The following AGL variants were observed in gnomAD, a reference collection of about 807,000 sequenced individuals.
AGL encodes the protein glycogen debranching enzyme.
AGL carries 128 observed loss-of-function variants against 199.3 expected under a neutral mutation model. The observed-to-expected ratio is 0.64, with a 90% CI of 0.56 to 0.74. The LOEUF is 0.74. AGL is among the 30% of genes least tolerant of loss of function. The pLI is 0.00. For missense variants in AGL, 1,809 were observed against 1,820.8 expected (o/e 0.99, Z 0.12); for synonymous variants, 584 against 594.7 (o/e 0.98, Z 0.26).
At chr1:99,864,857 C>T (rs1215233338) in intron 5 of AGL, among the ~76,000 whole-genome samples, 1 of 152,148 alleles carries the variant, frequency 6.6e-6, no homozygotes, top group Non-Finnish European at 1.5e-5. Context: ...ATAGAAGGAA[C>T]ATAATGATCA....
intron 22 of AGL, 39 bp downstream of exon 22, chr1:99,891,395 CATA>C: frequency 6.2e-7 from 1 of 1,607,122 alleles, no homozygotes; most frequent in Non-Finnish European, 8.5e-7. Context: ...AAATCAAGGA[CATA>C]ATAATAAATA....
chr1:99,887,359 G>A (rs532709966), intron 20 of AGL, among the ~76,000 whole-genome samples: 1 of 152,228 alleles, frequency 6.6e-6, no homozygotes, highest in South Asian at 2.1e-4. Context: ...GTTATCAGGA[G>A]GCATCTTAAT....
intron 27 of AGL, among the ~76,000 whole-genome samples, chr1:99,903,670 C>A (rs1330204376): frequency 6.6e-6 from 1 of 152,142 alleles, no homozygotes; most frequent in East Asian, 1.9e-4. Flanking sequence ...ATTGCTGGGT[C>A]AAATGGTATT....
chr1:99,910,226 T>C (rs776867551), intron 27 of AGL, among the ~76,000 whole-genome samples: 6 of 152,196 alleles, frequency 3.9e-5, no homozygotes, highest in Non-Finnish European at 5.9e-5. Flanking sequence ...TAATTTCTCA[T>C]CTGTCACTCT....
chr1:99,898,289 G>A (rs901644439), intron 25 of AGL, among the ~76,000 whole-genome samples: 5 of 151,992 alleles, frequency 3.3e-5, no homozygotes, highest in South Asian at 2.1e-4. Context: ...CTTATGATCC[G>A]CCTGCCTCAT....
chr1:99,874,567 G>A lies in AGL; in HGVS notation c.959-120G>A. 9.0e-6 allele frequency: 9 copies of A among 1,000,906 alleles called. No individual in the cohort carries two copies. In the South Asian group the frequency reaches 1.3e-4, roughly 14 times the overall value. The allele number at this position is 1,000,906 out of a possible 1,614,324, so 62.0% of individuals were successfully genotyped here. On this transcript the variant is annotated intron_variant, in intron 7 of 33. Coordinates refer to ENST00000361915, the MANE Select transcript of AGL (RefSeq NM_000642.3). Reference sequence around the variant, plus strand: ...GGGGAGGAGGTAGGAGGATACCTGTGAAATAAATATTTGTTTTATTTTCAG... The same window carrying A: ...GGGGAGGAGGTAGGAGGATACCTGTAAAATAAATATTTGTTTTATTTTCAG...
At chr1:99,907,817 A>G (rs192528482) in intron 27 of AGL, among the ~76,000 whole-genome samples, 62 of 151,010 alleles carry the variant, frequency 4.1e-4, no homozygotes, top group African/African-American at 1.5e-3. Flanking sequence ...GCATACATAT[A>G]TCTTCTTTGG....
At chr1:99,879,794 A>G in intron 12 of AGL, 129 bp from the exon 13 acceptor site, 1 of 734,002 alleles carries the variant, frequency 1.4e-6, no homozygotes. Flanking sequence ...GTGTTTTGGT[A>G]TGTTTGATAT....
intron 12 of AGL, 41 bp from the exon 13 acceptor site, chr1:99,879,882 G>C: frequency 6.5e-7 from 1 of 1,538,498 alleles, no homozygotes; most frequent in African/African-American, 1.4e-5. Context: ...TTCTCTTTCT[G>C]TTACATTTAT....
At position 99,884,822 on chromosome 1, in the gene AGL, C is replaced by T. The variant is rs1652329472; in HGVS notation, c.2681+119C>T. On this transcript the variant is annotated intron_variant, in intron 20 of 33. Transcript: ENST00000361915. ...GCTACTCAAAGTACGGTCCAAGGAC[C>T]AGCAGTGTCAGCATCACCTGTTGTT... 11 of 1,190,570 alleles carry T rather than the reference C, an allele frequency of 9.2e-6. No individual in the cohort carries two copies. The East Asian group carries it at 2.1e-4, about 23-fold the overall frequency. The allele number at this position is 1,190,570 out of a possible 1,614,324, so 73.8% of individuals were successfully genotyped here.
intron 20 of AGL, among the ~76,000 whole-genome samples, chr1:99,885,868 A>G (rs1164906932): frequency 6.6e-6 from 1 of 152,180 alleles, no homozygotes; most frequent in Admixed American, 6.5e-5. Context: ...TACACAATAA[A>G]TGTAATGCAC....
intron 33 of AGL, among the ~76,000 whole-genome samples, chr1:99,918,624 A>G (rs1475688665): frequency 6.6e-6 from 1 of 151,910 alleles, no homozygotes; most frequent in Non-Finnish European, 1.5e-5. Context: ...ACACCCAGCC[A>G]TTTGCCTGGT....
intron 2 of AGL, among the ~76,000 whole-genome samples, chr1:99,853,008 G>A (rs1649108165): frequency 1.3e-5 from 2 of 152,050 alleles, no homozygotes; most frequent in Admixed American, 1.3e-4. Context: ...ATAGTTCCCA[G>A]GGTAGAAACC....
intron 23 of AGL, among the ~76,000 whole-genome samples, chr1:99,892,090 C>G (rs529672975): frequency 9.2e-5 from 14 of 152,176 alleles, no homozygotes; most frequent in South Asian, 8.3e-4. Context: ...TCCACTATTA[C>G]TATGAATGAA....
chr1:99,912,551 A>C, intron 29 of AGL, 34 bp downstream of exon 29: 1 of 1,424,278 alleles, frequency 7.0e-7, no homozygotes, highest in South Asian at 1.1e-5. Context: ...AAGAACCTTC[A>C]AATGTACTAT....
chr1:99,877,271 C>G (rs1651625738), intron 11 of AGL, among the ~76,000 whole-genome samples: 1 of 151,992 alleles, frequency 6.6e-6, no homozygotes, highest in Non-Finnish European at 1.5e-5. Flanking sequence ...TGCCATGGAT[C>G]TAATACAACC....
chr1:99,852,558 T>TTTGAA, intron 2 of AGL: 2 of 603,432 alleles, frequency 3.3e-6, no homozygotes, highest in Admixed American at 3.0e-5. Flanking sequence ...TTTTTTTTTG[T>TTTGAA]AGAAACTGGG....
At position 99,863,021 on chromosome 1, in the gene AGL, C is replaced by A. The variant is rs1458206706; in HGVS notation, c.460+598C>A. 2.6e-5 allele frequency among the ~76,000 whole-genome samples: 4 copies of A among 151,918 alleles called. 1 individual carries two copies. Among genetic ancestry groups the A allele is most frequent in the Non-Finnish European group, 5.9e-5 (4 of 68,016 alleles). On this transcript the variant is annotated intron_variant, in intron 4 of 33. Coordinates refer to ENST00000361915, the MANE Select transcript of AGL (RefSeq NM_000642.3). ...ATGGTGCGATCTCAGCTCACTACAA[C>A]CTCCACCTCCCGGGTTCAAACGATT... is the stretch of plus-strand genomic sequence containing the variant.
intron 2 of AGL, among the ~76,000 whole-genome samples, chr1:99,860,254 G>A (rs1002869938): frequency 1.3e-5 from 2 of 151,450 alleles, no homozygotes; most frequent in Non-Finnish European, 2.9e-5. Context: ...ATAAGTCAAG[G>A]ATTATAAATT....
Sources: gnomAD v4.1 joint callset for allele counts (sites outside exome capture counted in the v4.1 genomes callset) on GRCh38, gnomAD v4.1.1 for gene constraint, MANE v1.5 for transcripts, NCBI Gene and HGNC (gene_info 2026-07-23, HGNC 2026-07-21) for gene names.